Variants in PLCB4 observed in about 807,000 individuals in gnomAD.
The protein encoded by PLCB4 is phospholipase C beta 4.
PLCB4 carries 77 observed loss-of-function variants against 178.8 expected under a neutral mutation model. The observed-to-expected ratio is 0.43, with a 90% CI of 0.36 to 0.52. PLCB4 has a LOEUF of 0.52. Ranked by LOEUF, PLCB4 falls within the 20% of genes least tolerant of loss-of-function variation. The probability of loss-of-function intolerance (pLI) is 0.00; values close to 1 mark genes in which losing one functional copy is unlikely to be tolerated. For missense variants in PLCB4, 1,024 were observed against 1,453.4 expected (o/e 0.70, Z 4.80); for synonymous variants, 496 against 490.8 (o/e 1.01, Z -0.14).
In PLCB4 at chr20:9,175,091, G is replaced by A. The variant is rs544853213; in HGVS notation, c.-78-42299G>A. On this transcript the variant is annotated intron_variant, in intron 2 of 39. Transcript: ENST00000378473. Reference sequence around the variant, plus strand: ...GAAGACCGGGTATACAGCATTGGTTGTCACCATCAGCATCAGCATTACCTG... The same window carrying A: ...GAAGACCGGGTATACAGCATTGGTTATCACCATCAGCATCAGCATTACCTG... Among the ~76,000 whole-genome samples the A allele has an allele frequency of 9.2e-5, 14 of 152,276 alleles. No individual in the cohort carries two copies. The East Asian group carries it at 2.7e-3, about 29-fold the overall frequency.
chr20:9,244,199 A>T (rs1388001361), intron 3 of PLCB4, among the ~76,000 whole-genome samples: 1 of 152,128 alleles, frequency 6.6e-6, no homozygotes, highest in African/African-American at 2.4e-5. Context: ...ACTCAGATGA[A>T]CTTTCCCACA....
At chr20:9,458,009 G>A (rs1443449996) in intron 34 of PLCB4, among the ~76,000 whole-genome samples, 11 of 151,976 alleles carry the variant, frequency 7.2e-5, no homozygotes, top group Admixed American at 6.5e-4. Flanking sequence ...AATCAACTTT[G>A]TGGGCATTTG....
chr20:9,322,406 A>G (rs1318787844), intron 4 of PLCB4, among the ~76,000 whole-genome samples: 1 of 152,260 alleles, frequency 6.6e-6, no homozygotes, highest in Non-Finnish European at 1.5e-5. Flanking sequence ...TTGATAAACT[A>G]ACAAGGAGCA....
At chr20:9,411,839 A>G (rs576244898) in intron 25 of PLCB4, among the ~76,000 whole-genome samples, 1 of 152,318 alleles carries the variant, frequency 6.6e-6, no homozygotes, top group African/African-American at 2.4e-5. Flanking sequence ...CCTGTAGAGG[A>G]ATCCAATGGA....
chr20:9,295,366 T>G (rs1350347403), intron 3 of PLCB4, among the ~76,000 whole-genome samples: 3 of 152,140 alleles, frequency 2.0e-5, no homozygotes, highest in Non-Finnish European at 4.4e-5. Flanking sequence ...CAAGTTCTAC[T>G]TTTGAGAGAG....
chr20:9,117,105 G>GAAGA (rs2091806280), intron 2 of PLCB4, among the ~76,000 whole-genome samples: 2 of 152,122 alleles, frequency 1.3e-5, no homozygotes, highest in South Asian at 4.1e-4. Flanking sequence ...CTTCTGTAGA[G>GAAGA]AATTCTATTA....
At chr20:9,072,220 G>C (rs540299339) in intron 1 of PLCB4, among the ~76,000 whole-genome samples, 2 of 152,236 alleles carry the variant, frequency 1.3e-5, no homozygotes, top group African/African-American at 4.8e-5. Flanking sequence ...TGTTTGCAAG[G>C]ACACTGCTTA....
At chr20:9,288,016 C>T (rs926684415) in intron 3 of PLCB4, among the ~76,000 whole-genome samples, 23 of 152,080 alleles carry the variant, frequency 1.5e-4, no homozygotes, top group African/African-American at 5.1e-4. Context: ...GCTCCACCAG[C>T]AGGATTGTGG....
intron 3 of PLCB4, among the ~76,000 whole-genome samples, chr20:9,262,022 C>T (rs1358017386): frequency 6.6e-6 from 1 of 152,076 alleles, no homozygotes; most frequent in African/African-American, 2.4e-5. Context: ...AAGGTGAATT[C>T]CACCTGATCC....
intron 2 of PLCB4, among the ~76,000 whole-genome samples, chr20:9,097,232 C>CTTT (rs544568591): frequency 2.7e-4 from 22 of 81,052 alleles, no homozygotes; most frequent in African/African-American, 6.9e-4. Flanking sequence ...ACAGCCTGGC[C>CTTT]TTTTTTTTTT....
intron 3 of PLCB4, among the ~76,000 whole-genome samples, chr20:9,258,032 T>A (rs1219072007): frequency 2.6e-5 from 4 of 151,880 alleles, no homozygotes; most frequent in Admixed American, 6.6e-5. Context: ...GAAAAAAAAA[T>A]TAATGAAAGT....
intron 3 of PLCB4, among the ~76,000 whole-genome samples, chr20:9,271,153 T>C (rs978224532): frequency 2.0e-5 from 3 of 152,168 alleles, no homozygotes; most frequent in African/African-American, 7.2e-5. Context: ...GACTTACCCC[T>C]GCCTGTTTTC....
chr20:9,172,292 A>G (rs138909021), intron 2 of PLCB4, among the ~76,000 whole-genome samples: 1 of 152,286 alleles, frequency 6.6e-6, no homozygotes, highest in Non-Finnish European at 1.5e-5. Context: ...AAGATTCCAT[A>G]ATAAGAGAGA....
intron 19 of PLCB4, among the ~76,000 whole-genome samples, chr20:9,396,940 A>G (rs925916329): frequency 6.6e-6 from 1 of 152,208 alleles, no homozygotes; most frequent in African/African-American, 2.4e-5. Context: ...GCAGTTGCCA[A>G]AGATTGGGTT....
intron 17 of PLCB4, 36 bp from the exon 18 acceptor site, chr20:9,393,551 GC>G: frequency 1.6e-5 from 22 of 1,368,146 alleles, no homozygotes; most frequent in Non-Finnish European, 2.2e-5. Flanking sequence ...GAGAAGCACA[GC>G]CCTTCCTTAA....
At chr20:9,452,380 C>T (rs1030469927) in intron 32 of PLCB4, among the ~76,000 whole-genome samples, 13 of 152,086 alleles carry the variant, frequency 8.5e-5, no homozygotes, top group South Asian at 2.1e-4. Flanking sequence ...GGAAATATGA[C>T]GGTGAGAGGG....
In PLCB4 at chr20:9,389,902, A is replaced by C. The variant is rs543023193; in HGVS notation, c.1182A>C (p.Glu394Asp). 6.3e-7 allele frequency: 1 copy of C among 1,587,260 alleles called. No individual in the cohort carries two copies. The highest frequency in any genetic ancestry group is 1.1e-5 in the South Asian group (1 of 90,444). ...AGGATGTAATTCAAGCCATCAAGGA[A>C]ACTGCATTTGTCACATCAGAATATC... ...LFKDVIQAIK[E>D]TAFVTSEYPV... The change falls in exon 16 of 40, where the codon GAA (glutamate) becomes GAC (aspartate). Residue 394 changes from glutamate to aspartate, a missense_variant. This residue lies in a region of PLCB4 where 263 missense variants were observed against 417.4 expected (regional missense o/e 0.63). Coordinates refer to ENST00000378473, the MANE Select transcript of PLCB4 (RefSeq NM_001377142.1).
At chr20:9,138,695 C>G (rs1308912732) in intron 2 of PLCB4, among the ~76,000 whole-genome samples, 1 of 152,104 alleles carries the variant, frequency 6.6e-6, no homozygotes, top group Admixed American at 6.6e-5. Context: ...TCACAATCAC[C>G]TGTTTAGCAG....
At chr20:9,392,939 T>G (rs2038266776) in intron 17 of PLCB4, among the ~76,000 whole-genome samples, 2 of 151,578 alleles carry the variant, frequency 1.3e-5, no homozygotes, top group African/African-American at 2.4e-5. Flanking sequence ...GGTGGAGGAA[T>G]GGGGAATGGA....
Sources: allele counts gnomAD v4.1 joint callset (sites outside exome capture counted in the v4.1 genomes callset), GRCh38; gene constraint gnomAD v4.1.1; regional missense constraint gnomAD v4.1.1; transcripts MANE v1.5; gene names NCBI Gene and HGNC (gene_info 2026-07-23, HGNC 2026-07-21).